RORB: variants seen among roughly 807,000 people sequenced by gnomAD.
RORB encodes the protein RAR related orphan receptor B.
A neutral mutation model predicts 59.1 loss-of-function variants in RORB; 6 were observed. The ratio of observed to expected loss-of-function variants is 0.10; its 90% CI spans 0.06 to 0.20. RORB has a LOEUF of 0.20. RORB is among the 10% of genes least tolerant of loss of function. RORB has a pLI of 1.00. For missense variants in RORB, 320 were observed against 560.5 expected (o/e 0.57, Z 4.33); for synonymous variants, 215 against 204.5 (o/e 1.05, Z -0.44).
intron 2 of RORB, 147 bp downstream of exon 2, chr9:74,630,514 G>T: frequency 6.9e-5 from 31 of 450,600 alleles, no homozygotes; most frequent in Admixed American, 1.1e-4. Context: ...TGGTGGGTGG[G>T]AGGGTTGATT....
chr9:74,668,526 T>C (rs1824302300), intron 8 of RORB, among the ~76,000 whole-genome samples: 1 of 152,218 alleles, frequency 6.6e-6, no homozygotes, highest in South Asian at 2.1e-4. Context: ...AATAGCTTAC[T>C]GTTGACCGGA....
chr9:74,627,752 AT>A (rs1823543951), intron 1 of RORB, among the ~76,000 whole-genome samples: 2 of 152,136 alleles, frequency 1.3e-5, no homozygotes, highest in African/African-American at 4.8e-5. Flanking sequence ...TTTTTAGTCA[AT>A]TTTGTAATCG....
rs909322595 is a variant in RORB at position 74,685,897 on chromosome 9, A to G, written c.*279A>G. 2 of 220,448 alleles carry G rather than the reference A, an allele frequency of 9.1e-6. No homozygotes were observed. Among genetic ancestry groups the G allele is most frequent in the African/African-American group, 4.6e-5 (2 of 43,952 alleles). 13.7% of individuals were successfully genotyped at this position (220,448 alleles called of 1,614,324 possible). A position where few individuals can be genotyped will look rare whatever the true frequency, so the allele number is the denominator to read the frequency against. On this transcript the variant is annotated 3_prime_UTR_variant, in exon 10 of 10. Coordinates refer to ENST00000376896, the MANE Select transcript of RORB (RefSeq NM_006914.4). ...ATTTTATTCGGGTATGTTTTGGGAG[A>G]CAACTGTTTATAGAATTTTATTGTA...
rs1016145890 is a variant in RORB, at chr9:74,643,583, C to T, written c.637+768C>T. Among the ~76,000 whole-genome samples, 31 of 152,162 alleles carry T rather than the reference C, an allele frequency of 2.0e-4. 1 individual carries two copies. Among genetic ancestry groups the T allele is most frequent in the Non-Finnish European group, 2.9e-5 (2 of 68,040 alleles). On this transcript the variant is annotated intron_variant, in intron 4 of 9. Transcript: ENST00000376896. ...TCTATTAAATGTTTAACCAGTTAAT[C>T]TCATCAACTAACTGCCATAAAAATA... is the stretch of plus-strand genomic sequence containing the variant.
chr9:74,503,449 T>C (rs1825828478), intron 1 of RORB, among the ~76,000 whole-genome samples: 1 of 151,994 alleles, frequency 6.6e-6, no homozygotes, highest in African/African-American at 2.4e-5. Context: ...GCTTTCACAA[T>C]CCAGACTTCC....
rs1000032587 is a variant in RORB at position 74,690,248 on chromosome 9, TGACAC to T, written c.*4631_*4635del. On this transcript the variant is annotated 3_prime_UTR_variant, in exon 10 of 10. Transcript: ENST00000376896. ...TATGGGGGGTCTTTCAAAAAAAAGC[TGACAC>T]TCTATTCATTTTTGGGTCTCAGGAC... 1.2e-4 allele frequency: 18 copies of T among 152,202 alleles called. No individual in the cohort carries two copies. The highest frequency in any genetic ancestry group is 4.3e-4 in the African/African-American group (18 of 41,444). 9.4% of individuals were successfully genotyped at this position (152,202 alleles called of 1,614,324 possible). A position where few individuals can be genotyped will look rare whatever the true frequency, so the allele number is the denominator to read the frequency against.
At chr9:74,627,256 A>G (rs975448920) in intron 1 of RORB, among the ~76,000 whole-genome samples, 3 of 152,126 alleles carry the variant, frequency 2.0e-5, no homozygotes, top group African/African-American at 7.2e-5. Context: ...ATTTTAAATG[A>G]CTTAAATTTA....
chr9:74,660,382 C>G (rs1233847781), intron 4 of RORB, among the ~76,000 whole-genome samples: 1 of 151,648 alleles, frequency 6.6e-6, no homozygotes, highest in Admixed American at 6.6e-5. Flanking sequence ...CTTGTAAAAC[C>G]CCTAAGTTGT....
chr9:74,600,463 A>G (rs1823037776), intron 1 of RORB, among the ~76,000 whole-genome samples: 2 of 152,208 alleles, frequency 1.3e-5, no homozygotes, highest in Admixed American at 6.5e-5. Context: ...GTTAATGAAG[A>G]TGTAGAAAAC....
At chr9:74,581,374 C>G (rs1359735763) in intron 1 of RORB, among the ~76,000 whole-genome samples, 3 of 152,110 alleles carry the variant, frequency 2.0e-5, no homozygotes, top group African/African-American at 7.2e-5. Context: ...AAACTAAGAC[C>G]AGTTTCAGGG....
chr9:74,592,810 ATCTCTCTC>A (rs147135870), intron 1 of RORB, among the ~76,000 whole-genome samples: 6 of 148,340 alleles, frequency 4.0e-5, no homozygotes, highest in South Asian at 2.1e-4. Flanking sequence ...CTCTCTTTCA[ATCTCTCTC>A]TCTCTCTCTC....
intron 1 of RORB, among the ~76,000 whole-genome samples, chr9:74,619,249 A>G (rs1823366157): frequency 6.6e-6 from 1 of 152,136 alleles, no homozygotes; most frequent in Admixed American, 6.6e-5. Flanking sequence ...CCTGGCTCAA[A>G]AGGCACCTCA....
chr9:74,663,260 G>A (rs1824218435), intron 6 of RORB, among the ~76,000 whole-genome samples: 1 of 152,020 alleles, frequency 6.6e-6, no homozygotes, highest in African/African-American at 2.4e-5. Context: ...ATGGTCCTAG[G>A]CCATAATAAT....
intron 3 of RORB, among the ~76,000 whole-genome samples, chr9:74,641,475 C>T (rs1352779436): frequency 6.6e-6 from 1 of 152,134 alleles, no homozygotes; most frequent in East Asian, 1.9e-4. Context: ...GCATTGGATG[C>T]CCCAAATTGC....
intron 1 of RORB, among the ~76,000 whole-genome samples, chr9:74,545,598 G>A (rs2118145573): frequency 6.6e-6 from 1 of 152,244 alleles, no homozygotes; most frequent in East Asian, 1.9e-4. Flanking sequence ...AACAAGCAAA[G>A]GTGAAGACAG....
At chr9:74,499,905 C>A (rs761330724) in intron 1 of RORB, among the ~76,000 whole-genome samples, 2 of 152,112 alleles carry the variant, frequency 1.3e-5, no homozygotes, top group Non-Finnish European at 2.9e-5. Context: ...GCATAAAATC[C>A]GCTCACTCCT....
intron 1 of RORB, among the ~76,000 whole-genome samples, chr9:74,525,063 T>C (rs1826138592): frequency 6.6e-6 from 1 of 151,844 alleles, no homozygotes; most frequent in Admixed American, 6.6e-5. Context: ...TGATTTACAT[T>C]CCTAATGCTG....
intron 1 of RORB, among the ~76,000 whole-genome samples, chr9:74,571,753 T>C (rs570633450): frequency 2.6e-5 from 4 of 152,162 alleles, no homozygotes; most frequent in Non-Finnish European, 4.4e-5. Context: ...CTCCTATAGT[T>C]TGACAAAATA....
chr9:74,505,448 A>G (rs1392293357), intron 1 of RORB, among the ~76,000 whole-genome samples: 1 of 152,132 alleles, frequency 6.6e-6, no homozygotes, highest in Non-Finnish European at 1.5e-5. Context: ...AGAAATGTAC[A>G]TGACTCACAT....
Sources: gnomAD v4.1 joint callset for allele counts (sites outside exome capture counted in the v4.1 genomes callset) on GRCh38, gnomAD v4.1.1 for gene constraint, MANE v1.5 for transcripts, NCBI Gene and HGNC (gene_info 2026-07-23, HGNC 2026-07-21) for gene names.